The following SYN3 variants were observed in gnomAD, a reference collection of about 807,000 sequenced individuals.
SYN3 encodes synapsin-3.
SYN3 carries 35 observed loss-of-function variants against 65.8 expected under a neutral mutation model. The observed-to-expected ratio is 0.53, with a 90% CI of 0.41 to 0.70. The LOEUF is 0.70. SYN3 is among the 30% of genes least tolerant of loss of function. The probability of loss-of-function intolerance (pLI) is 0.00; values close to 1 mark genes in which losing one functional copy is unlikely to be tolerated. For synonymous variants in SYN3, 270 were observed against 292.9 expected (o/e 0.92, Z 0.80); for missense variants, 680 against 749.0 (o/e 0.91, Z 1.08).
In SYN3 at chr22:32,791,563, G is replaced by C. The variant is rs376569803; in HGVS notation, c.711+73352C>G. Among the ~76,000 whole-genome samples, 60 of 151,718 alleles carry C rather than the reference G, an allele frequency of 4.0e-4. No homozygotes were observed. The East Asian group carries it at 7.3e-3, about 18-fold the overall frequency. On this transcript the variant is annotated intron_variant, in intron 6 of 13. Coordinates refer to ENST00000358763, the MANE Select transcript of SYN3 (RefSeq NM_003490.4). Reference sequence around the variant, plus strand: ...ATCTGGTTTCAGGAACTGGGCATCTGACCTTTGCATCCCTTCTTATTTTCC... The same window carrying C: ...ATCTGGTTTCAGGAACTGGGCATCTCACCTTTGCATCCCTTCTTATTTTCC...
chr22:32,663,832 G>A (rs1267845525), intron 6 of SYN3, among the ~76,000 whole-genome samples: 2 of 152,084 alleles, frequency 1.3e-5, no homozygotes, highest in African/African-American at 2.4e-5. Flanking sequence ...ATTTTACCTA[G>A]AATGATATTA....
At chr22:32,707,606 G>A (rs1387339694) in intron 6 of SYN3, among the ~76,000 whole-genome samples, 1 of 152,132 alleles carries the variant, frequency 6.6e-6, no homozygotes, top group Non-Finnish European at 1.5e-5. Context: ...TGTGAACTGG[G>A]AATAATCCAC....
chr22:32,610,361 A>G (rs1191040339), intron 6 of SYN3, among the ~76,000 whole-genome samples: 2 of 152,038 alleles, frequency 1.3e-5, no homozygotes, highest in African/African-American at 4.8e-5. Context: ...AACACTACCT[A>G]TGTTTAGAAC....
At chr22:32,970,370 G>C (rs900703461) in intron 3 of SYN3, among the ~76,000 whole-genome samples, 1 of 151,784 alleles carries the variant, frequency 6.6e-6, no homozygotes, top group Non-Finnish European at 1.5e-5. Flanking sequence ...AGCTGGGCGT[G>C]TTGGCTCACA....
At chr22:32,692,193 G>C (rs1212097847) in intron 6 of SYN3, among the ~76,000 whole-genome samples, 1 of 132,412 alleles carries the variant, frequency 7.6e-6, no homozygotes, top group Non-Finnish European at 1.6e-5. Flanking sequence ...GGTCTGCAAA[G>C]AGAGAAGAGA....
intron 1 of SYN3, among the ~76,000 whole-genome samples, chr22:33,014,104 G>T (rs1484681217): frequency 1.3e-5 from 2 of 151,700 alleles, no homozygotes; most frequent in African/African-American, 2.4e-5. Flanking sequence ...ATTAGGGGGC[G>T]GGGCTCTCAC....
intron 1 of SYN3, among the ~76,000 whole-genome samples, chr22:33,037,668 G>C (rs565456532): frequency 6.6e-6 from 1 of 152,230 alleles, no homozygotes; most frequent in Non-Finnish European, 1.5e-5. Context: ...ATTTGCCTAA[G>C]GTAACCCAGT....
At chr22:32,911,099 A>G (rs777861366) in intron 4 of SYN3, among the ~76,000 whole-genome samples, 10 of 152,212 alleles carry the variant, frequency 6.6e-5, no homozygotes, top group Non-Finnish European at 1.0e-4. Flanking sequence ...CCAAGTCTAG[A>G]TAGAAGAGTT....
At chr22:32,624,364 G>C (rs990878788) in intron 6 of SYN3, among the ~76,000 whole-genome samples, 1 of 152,304 alleles carries the variant, frequency 6.6e-6, no homozygotes, top group South Asian at 2.1e-4. Context: ...CCCAGGATGA[G>C]CAGCATTCTG....
chr22:32,772,616 G>A (rs2045804465), intron 6 of SYN3, among the ~76,000 whole-genome samples: 1 of 152,212 alleles, frequency 6.6e-6, no homozygotes, highest in African/African-American at 2.4e-5. Context: ...TTTGAGATGA[G>A]GAGATTATCC....
At chr22:32,940,837 G>A (rs2146754876) in intron 3 of SYN3, among the ~76,000 whole-genome samples, 1 of 152,260 alleles carries the variant, frequency 6.6e-6, no homozygotes, top group South Asian at 2.1e-4. Context: ...GTGATGACAG[G>A]AGCAAAGGCA....
chr22:32,910,354 A>T (rs989119133), intron 4 of SYN3, among the ~76,000 whole-genome samples: 2 of 152,012 alleles, frequency 1.3e-5, no homozygotes, highest in Non-Finnish European at 2.9e-5. Flanking sequence ...AGCACCCCGT[A>T]CCCCCAAAAA....
At chr22:32,642,058 G>A (rs1054160923) in intron 6 of SYN3, among the ~76,000 whole-genome samples, 25 of 152,178 alleles carry the variant, frequency 1.6e-4, no homozygotes, top group African/African-American at 6.0e-4. Context: ...GGGAGGCAGC[G>A]GCAGGTGAAT....
intron 1 of SYN3, among the ~76,000 whole-genome samples, chr22:33,036,649 AT>A (rs150456448): frequency 0.022 from 3,176 of 143,248 alleles, 100 homozygotes; most frequent in African/African-American, 0.08. Context: ...GTCTAAAAAA[AT>A]TTTTTTAAAT....
At chr22:32,937,044 C>A (rs1026264985) in intron 3 of SYN3, among the ~76,000 whole-genome samples, 14 of 152,204 alleles carry the variant, frequency 9.2e-5, no homozygotes, top group African/African-American at 2.9e-4. Context: ...CAGCACCCAA[C>A]ACATCACATT....
At chr22:32,535,682 C>A (rs1191708399) in intron 9 of SYN3, among the ~76,000 whole-genome samples, 1 of 152,164 alleles carries the variant, frequency 6.6e-6, no homozygotes, top group Admixed American at 6.5e-5. Flanking sequence ...AAAGGATGAA[C>A]CTTGGGGTCC....
At chr22:32,966,159 G>A (rs746519559) in intron 3 of SYN3, among the ~76,000 whole-genome samples, 1 of 152,200 alleles carries the variant, frequency 6.6e-6, no homozygotes, top group Non-Finnish European at 1.5e-5. Context: ...CATCTGGGAA[G>A]TGTGATGTAG....
intron 6 of SYN3, among the ~76,000 whole-genome samples, chr22:32,781,463 C>G (rs1305495919): frequency 6.6e-6 from 1 of 152,098 alleles, no homozygotes. Context: ...GACGAGTTAC[C>G]TAACCTCTCT....
At chr22:32,995,883 G>T (rs536110277) in intron 2 of SYN3, among the ~76,000 whole-genome samples, 3 of 152,064 alleles carry the variant, frequency 2.0e-5, no homozygotes, top group Admixed American at 2.0e-4. Flanking sequence ...GGATGGTCTC[G>T]ATCTCCTGAC....
Sources: gnomAD v4.1 joint callset for allele counts (sites outside exome capture counted in the v4.1 genomes callset) on GRCh38, gnomAD v4.1.1 for gene constraint, MANE v1.5 for transcripts, NCBI Gene and HGNC (gene_info 2026-07-23, HGNC 2026-07-21) for gene names.